IDE: variants seen among roughly 807,000 people sequenced by gnomAD.
The protein encoded by IDE is insulin degrading enzyme.
A neutral mutation model predicts 133.2 loss-of-function variants in IDE; 58 were observed. The ratio of observed to expected loss-of-function variants is 0.44; its 90% CI spans 0.35 to 0.54. IDE has a LOEUF of 0.54. IDE is among the 20% of genes least tolerant of loss of function. The pLI, the probability that IDE is intolerant of heterozygous loss-of-function variation, is 0.00. For missense variants in IDE, 981 were observed against 1,234.0 expected (o/e 0.79, Z 3.07); for synonymous variants, 396 against 421.3 (o/e 0.94, Z 0.73).
intron 20 of IDE, 57 bp downstream of exon 20, chr10:92,465,619 G>A: frequency 6.9e-7 from 1 of 1,458,130 alleles, no homozygotes; most frequent in Non-Finnish European, 9.5e-7. Context: ...ATGTTTTACA[G>A]GGAAAATAAT....
At chr10:92,524,391 T>TTATATAA (rs1226841138) in intron 4 of IDE, among the ~76,000 whole-genome samples, 1 of 83,088 alleles carries the variant, frequency 1.2e-5, no homozygotes, top group Non-Finnish European at 2.2e-5. Context: ...ATAATATATT[T>TTATATAA]TATATAATAT....
intron 1 of IDE, among the ~76,000 whole-genome samples, chr10:92,540,960 G>C (rs1842274415): frequency 6.6e-6 from 1 of 152,140 alleles, no homozygotes; most frequent in African/African-American, 2.4e-5. Context: ...CAAATGATCA[G>C]AATCCATCAC....
rs1028365859 is a variant in IDE at position 92,500,330 on chromosome 10, G to A, written c.1430+4464C>T. On this transcript the variant is annotated intron_variant, in intron 11 of 24. Coordinates refer to ENST00000265986, the MANE Select transcript of IDE (RefSeq NM_004969.4). ...AAAAAACCCCAACTGACTGATAGAT[G>A]AATGCATAAAGAAAATATGGTATAT... 2.6e-5 allele frequency among the ~76,000 whole-genome samples: 4 copies of A among 151,432 alleles called. No homozygotes were observed. In the East Asian group the frequency reaches 7.7e-4, roughly 29 times the overall value.
At chr10:92,484,411 C>G (rs549082869) in intron 13 of IDE, among the ~76,000 whole-genome samples, 1 of 150,486 alleles carries the variant, frequency 6.6e-6, no homozygotes, top group South Asian at 2.1e-4. Flanking sequence ...AGCAAGACTC[C>G]ATCTCAAAAA....
chr10:92,455,591 T>C lies in IDE; in HGVS notation c.2949A>G (p.Ala983=), dbSNP rs1031638404. Residue 983 remains alanine (A), a synonymous_variant, in exon 24 of 25, where the codon GCA becomes GCG. Transcript: ENST00000265986. The stretch of plus-strand genomic sequence containing the variant: ...TATTTCTTACTTGTGGCAAGGCTGG[T>C]GCTTGTGACAAATTTATGTCATTTT... The part of the protein sequence containing the change: ...PCQNDINLSQ[A]PALPQPEVIQ... 3.5e-5 allele frequency: 55 copies of C among 1,593,632 alleles called. No individual in the cohort carries two copies. The highest frequency in any genetic ancestry group is 4.7e-5 in the Non-Finnish European group (55 of 1,161,662).
chr10:92,564,620 G>A (rs1018552092), intron 1 of IDE, among the ~76,000 whole-genome samples: 1 of 131,610 alleles, frequency 7.6e-6, no homozygotes, highest in Non-Finnish European at 1.5e-5. Context: ...GTTGCAGTAA[G>A]CCGAGACTGC....
At chr10:92,521,051 T>G (rs570688068) in intron 4 of IDE, among the ~76,000 whole-genome samples, 4 of 152,282 alleles carry the variant, frequency 2.6e-5, no homozygotes, top group African/African-American at 9.6e-5. Context: ...ATAAATGGAA[T>G]GGAATAAAAG....
intron 22 of IDE, among the ~76,000 whole-genome samples, chr10:92,457,833 C>A (rs1845111847): frequency 6.6e-6 from 1 of 152,148 alleles, no homozygotes; most frequent in African/African-American, 2.4e-5. Context: ...CTGCCCGTGG[C>A]TCCCCACTCT....
chr10:92,525,121 C>T (rs570220197), intron 4 of IDE, among the ~76,000 whole-genome samples: 6 of 151,970 alleles, frequency 3.9e-5, no homozygotes, highest in South Asian at 4.2e-4. Context: ...ATTAGCCAGG[C>T]GTGTGCCTGT....
chr10:92,549,149 T>C (rs934832286), intron 1 of IDE, among the ~76,000 whole-genome samples: 8 of 152,050 alleles, frequency 5.3e-5, no homozygotes, highest in African/African-American at 1.9e-4. Flanking sequence ...TCCCAGCTAC[T>C]CGGGAGGCTG....
intron 11 of IDE, among the ~76,000 whole-genome samples, chr10:92,498,893 C>CT (rs1347576277): frequency 3.9e-5 from 6 of 152,288 alleles, no homozygotes; most frequent in African/African-American, 1.4e-4. Flanking sequence ...ATCTATAGCT[C>CT]TTTCTCCTCA....
intron 17 of IDE, among the ~76,000 whole-genome samples, chr10:92,474,056 GA>G (rs950515642): frequency 1.3e-5 from 2 of 151,566 alleles, no homozygotes; most frequent in South Asian, 2.1e-4. Context: ...TTAGTCTGCA[GA>G]AAAAAAAATT....
chr10:92,502,401 G>A (rs1366424776), intron 11 of IDE, among the ~76,000 whole-genome samples: 1 of 151,956 alleles, frequency 6.6e-6, no homozygotes, highest in Non-Finnish European at 1.5e-5. Flanking sequence ...GTAATATTAT[G>A]CTTTTGTTGC....
chr10:92,546,337 C>T (rs144047699), intron 1 of IDE, among the ~76,000 whole-genome samples: 48 of 152,236 alleles, frequency 3.2e-4, no homozygotes, highest in African/African-American at 1.1e-3. Context: ...TGTAAAAATG[C>T]ATTAAGTTGA....
At chr10:92,516,248 C>T (rs1848923018) in intron 4 of IDE, among the ~76,000 whole-genome samples, 1 of 151,990 alleles carries the variant, frequency 6.6e-6, no homozygotes, top group Non-Finnish European at 1.5e-5. Flanking sequence ...AATCCCAGCA[C>T]TTTGGGAGGC....
rs534616509 is a variant in IDE at position 92,453,779 on chromosome 10, G to A, written c.*665C>T. 2.6e-4 allele frequency: 40 copies of A among 152,230 alleles called. No homozygotes were observed. Among genetic ancestry groups the A allele is most frequent in the African/African-American group, 8.9e-4 (37 of 41,544 alleles). 9.4% of individuals were successfully genotyped at this position (152,230 alleles called of 1,614,324 possible). A position where few individuals can be genotyped will look rare whatever the true frequency, so the allele number is the denominator to read the frequency against. On this transcript the variant is annotated 3_prime_UTR_variant, in exon 25 of 25. Coordinates refer to ENST00000265986, the MANE Select transcript of IDE (RefSeq NM_004969.4). ...AAACCACAGTAATCCTGAGAAATTC[G>A]GTTTAGGACAAAATTGATGTAAGGT...
intron 2 of IDE, among the ~76,000 whole-genome samples, chr10:92,535,829 A>C (rs1364258020): frequency 6.6e-6 from 1 of 152,158 alleles, no homozygotes; most frequent in Non-Finnish European, 1.5e-5. Flanking sequence ...TGAGGTCGGG[A>C]GTTTGAGATC....
chr10:92,511,524 A>G (rs1248124146), intron 5 of IDE, among the ~76,000 whole-genome samples: 21 of 152,228 alleles, frequency 1.4e-4, no homozygotes, highest in Admixed American at 1.4e-3. Context: ...TTTGAATCAA[A>G]TAAGATTCTT....
rs577600758 is a variant in IDE, at chr10:92,513,573, C to T, written c.784+1347G>A. ...AATCCCAAAATGGGACCATATAGCA[C>T]ATGTTTTTGTAAACAGCTTTTGTTT... is the stretch of plus-strand genomic sequence containing the variant. On this transcript the variant is annotated intron_variant, in intron 5 of 24. Transcript: ENST00000265986. Among the ~76,000 whole-genome samples, 46 of 151,810 alleles carry T rather than the reference C, an allele frequency of 3.0e-4. 1 individual carries two copies. In the South Asian group the frequency reaches 9.6e-3, roughly 32 times the overall value.
Sources: allele counts gnomAD v4.1 joint callset (sites outside exome capture counted in the v4.1 genomes callset), GRCh38; gene constraint gnomAD v4.1.1; transcripts MANE v1.5; gene names NCBI Gene and HGNC (gene_info 2026-07-23, HGNC 2026-07-21).